PIGL: variants seen among roughly 807,000 people sequenced by gnomAD.
PIGL encodes the protein N-acetylglucosaminyl-phosphatidylinositol de-N-acetylase.
In PIGL, 22 loss-of-function variants were observed where a neutral mutation model predicts 31.1. That is an observed-to-expected ratio of 0.71 (90% CI 0.51 to 1.01). The LOEUF is 1.01. Among genes scored for constraint, PIGL ranks in the 50% least tolerant of loss-of-function variants. The probability of loss-of-function intolerance (pLI) is 0.00; values close to 1 mark genes in which losing one functional copy is unlikely to be tolerated. For missense variants in PIGL, 302 were observed against 315.9 expected (o/e 0.96, Z 0.33); for synonymous variants, 131 against 117.4 (o/e 1.12, Z -0.75).
intron 1 of PIGL, among the ~76,000 whole-genome samples, chr17:16,225,208 C>A (rs1363332291): frequency 6.6e-6 from 1 of 152,044 alleles, no homozygotes; most frequent in East Asian, 1.9e-4. Context: ...CTGTTACTTT[C>A]TCATACTTCA....
intron 2 of PIGL, among the ~76,000 whole-genome samples, chr17:16,240,883 G>C (rs984206512): frequency 6.3e-5 from 2 of 31,616 alleles, no homozygotes; most frequent in Non-Finnish European, 1.3e-4. Context: ...CCGAGGGGGT[G>C]GGGGGCAGAT....
intron 2 of PIGL, among the ~76,000 whole-genome samples, chr17:16,245,504 GTATA>G (rs34133338): frequency 1.6e-4 from 23 of 147,334 alleles, no homozygotes; most frequent in African/African-American, 2.0e-4. Flanking sequence ...AAGCCAGGGA[GTATA>G]TATATATATA....
At chr17:16,271,560 T>A (rs1197281613) in intron 2 of PIGL, among the ~76,000 whole-genome samples, 1 of 151,990 alleles carries the variant, frequency 6.6e-6, no homozygotes, top group Non-Finnish European at 1.5e-5. Flanking sequence ...GAGATGGAGT[T>A]TTGCTCTGTC....
intron 1 of PIGL, among the ~76,000 whole-genome samples, chr17:16,229,546 T>C (rs2092669315): frequency 6.6e-6 from 1 of 151,196 alleles, no homozygotes; most frequent in Non-Finnish European, 1.5e-5. Context: ...TTTAAATTTT[T>C]TGAGAATTGA....
At chr17:16,246,733 C>T (rs1234913937) in intron 2 of PIGL, among the ~76,000 whole-genome samples, 8 of 127,360 alleles carry the variant, frequency 6.3e-5, no homozygotes, top group East Asian at 2.4e-4. Flanking sequence ...GGCCGGACTG[C>T]GGACTGCAGT....
At chr17:16,245,724 A>G (rs1043953936) in intron 2 of PIGL, among the ~76,000 whole-genome samples, 3 of 151,244 alleles carry the variant, frequency 2.0e-5, no homozygotes, top group African/African-American at 7.3e-5. Flanking sequence ...ACACACATAT[A>G]TATATACACA....
chr17:16,317,117 C>T (rs1249038514), intron 5 of PIGL: 7 of 1,033,038 alleles, frequency 6.8e-6, no homozygotes, highest in Non-Finnish European at 8.2e-6. Context: ...AGTATTTGAC[C>T]CTACCTGACC....
At chr17:16,222,125 C>G (rs1208785083) in intron 1 of PIGL, among the ~76,000 whole-genome samples, 1 of 152,000 alleles carries the variant, frequency 6.6e-6, no homozygotes, top group African/African-American at 2.4e-5. Context: ...GCTGATTTAA[C>G]ATTTTAATAT....
At chr17:16,287,120 C>A (rs973197973) in intron 2 of PIGL, among the ~76,000 whole-genome samples, 1 of 152,236 alleles carries the variant, frequency 6.6e-6, no homozygotes, top group Non-Finnish European at 1.5e-5. Flanking sequence ...CCTCCAGATG[C>A]CTTTCTCCAG....
At chr17:16,240,875 G>A (rs1194134784) in intron 2 of PIGL, among the ~76,000 whole-genome samples, 4 of 100,040 alleles carry the variant, frequency 4.0e-5, no homozygotes, top group South Asian at 5.1e-4. Flanking sequence ...TTGGGAGGCC[G>A]AGGGGGTGGG....
chr17:16,313,524 GA>G (rs777797961), intron 3 of PIGL, 22 bp from the exon 4 acceptor site: 1 of 1,595,184 alleles, frequency 6.3e-7, no homozygotes, highest in Admixed American at 1.7e-5. Context: ...GGCATTCAGT[GA>G]AAACCCTGTG....
chr17:16,257,836 G>A (rs1360669460), intron 2 of PIGL, among the ~76,000 whole-genome samples: 2 of 151,870 alleles, frequency 1.3e-5, no homozygotes, highest in South Asian at 2.1e-4. Flanking sequence ...AGGCCAAGGC[G>A]GGCGGATCAC....
In PIGL at chr17:16,288,581, C is replaced by G. The variant is rs569703664; in HGVS notation, c.336-11307C>G. On this transcript the variant is annotated intron_variant, in intron 2 of 6. Transcript: ENST00000225609. ...GAAACCGGAGTTTCGCTCTTGTTGC[C>G]CAGGCTGGAGTGCAATGGCGCGATC... is the stretch of plus-strand genomic sequence containing the variant. Among the ~76,000 whole-genome samples the G allele has an allele frequency of 2.6e-5, 4 of 151,406 alleles. No individual in the cohort carries two copies. In the South Asian group the frequency reaches 8.3e-4, roughly 32 times the overall value.
chr17:16,278,555 T>G (rs1600814677), intron 2 of PIGL, among the ~76,000 whole-genome samples: 1 of 152,256 alleles, frequency 6.6e-6, no homozygotes, highest in Non-Finnish European at 1.5e-5. Flanking sequence ...GTCTTCAATT[T>G]ATGGATAAAC....
intron 6 of PIGL, among the ~76,000 whole-genome samples, chr17:16,323,609 CTTT>C (rs34518917): frequency 5.2e-5 from 5 of 96,790 alleles, no homozygotes; most frequent in African/African-American, 8.2e-5. Context: ...TAACACTGAT[CTTT>C]TTTTTTTTTT....
At chr17:16,228,917 C>G (rs1307368802) in intron 1 of PIGL, among the ~76,000 whole-genome samples, 1 of 151,990 alleles carries the variant, frequency 6.6e-6, no homozygotes, top group Non-Finnish European at 1.5e-5. Flanking sequence ...TATTTTATGC[C>G]TGGCTTATGC....
At chr17:16,304,620 T>A (rs1449077834) in intron 3 of PIGL, among the ~76,000 whole-genome samples, 1 of 151,896 alleles carries the variant, frequency 6.6e-6, no homozygotes, top group Non-Finnish European at 1.5e-5. Flanking sequence ...ATAAAATAAA[T>A]GTTAAAAAGA....
chr17:16,237,699 TGAGGTGA>T (rs2142690997), intron 2 of PIGL, among the ~76,000 whole-genome samples: 1 of 148,826 alleles, frequency 6.7e-6, no homozygotes, highest in Admixed American at 6.8e-5. Flanking sequence ...CTTGGGTGAC[TGAGGTGA>T]GAGGATCACC....
At chr17:16,283,745 A>G (rs904241366) in intron 2 of PIGL, among the ~76,000 whole-genome samples, 5 of 152,366 alleles carry the variant, frequency 3.3e-5, no homozygotes, top group African/African-American at 1.2e-4. Context: ...CGATTATACA[A>G]AAGCTCTTAT....
Sources: allele counts gnomAD v4.1 joint callset (sites outside exome capture counted in the v4.1 genomes callset), GRCh38; gene constraint gnomAD v4.1.1; transcripts MANE v1.5; gene names NCBI Gene and HGNC (gene_info 2026-07-23, HGNC 2026-07-21).